The following ANKMY1 variants were observed in gnomAD, a reference collection of about 807,000 sequenced individuals.
The protein encoded by ANKMY1 is ankyrin repeat and MYND domain-containing protein 1.
Under a neutral mutation model 102.0 loss-of-function variants are expected in ANKMY1, and 98 were observed. The observed-to-expected ratio is 0.96, with a 90% CI of 0.82 to 1.14. ANKMY1 has a LOEUF of 1.14. Ranked by LOEUF, ANKMY1 falls within the 50% of genes most tolerant of loss-of-function variation. The probability of loss-of-function intolerance (pLI) is 0.00; values close to 1 mark genes in which losing one functional copy is unlikely to be tolerated. For synonymous variants in ANKMY1, 582 were observed against 559.9 expected, an observed-to-expected ratio of 1.04 and a Z score of -0.56; for missense variants, 1,330 against 1,347.6, an observed-to-expected ratio of 0.99 and a Z score of 0.20.
chr2:240,484,482 G>A (rs1249012848), intron 15 of ANKMY1, among the ~76,000 whole-genome samples: 2 of 152,158 alleles, frequency 1.3e-5, no homozygotes. Flanking sequence ...AATGGTGTTG[G>A]GAAAACTGGC....
At chr2:240,524,563 C>T (rs1018955008) in intron 7 of ANKMY1, among the ~76,000 whole-genome samples, 182 bp from the exon 8 acceptor site, 7 of 152,198 alleles carry the variant, frequency 4.6e-5, no homozygotes, top group Admixed American at 2.6e-4. Flanking sequence ...GTGAAGGCAT[C>T]GGACAGAAGC....
intron 12 of ANKMY1, among the ~76,000 whole-genome samples, 171 bp downstream of exon 12, chr2:240,509,177 G>C (rs1266092773): frequency 4.0e-5 from 6 of 150,720 alleles, no homozygotes; most frequent in Non-Finnish European, 8.9e-5. Context: ...GAGTGAATGG[G>C]TAGTTGGGTG....
At chr2:240,491,871 A>G (rs1200871320) in intron 15 of ANKMY1, among the ~76,000 whole-genome samples, 1 of 152,148 alleles carries the variant, frequency 6.6e-6, no homozygotes, top group East Asian at 1.9e-4. Flanking sequence ...TCTGAGTATA[A>G]TGTGCCATGC....
At chr2:240,478,039 T>A (rs1480179137), downstream of ANKMY1, among the ~76,000 whole-genome samples, 1 of 152,198 alleles carries the variant, frequency 6.6e-6, no homozygotes. Flanking sequence ...CTTCCCCATC[T>A]GGTGCAGTTC....
intron 11 of ANKMY1, among the ~76,000 whole-genome samples, chr2:240,511,634 A>G (rs538413831): frequency 2.0e-5 from 3 of 152,354 alleles, no homozygotes; most frequent in African/African-American, 7.2e-5. Context: ...GGTAAGAAGT[A>G]GACTTCATGC....
chr2:240,560,328 G>C (rs776474180), upstream of ANKMY1: 4 of 187,110 alleles, frequency 2.1e-5, no homozygotes. Context: ...CGCCGCAGTA[G>C]AGCGGGCAGG....
At chr2:240,491,609 T>C (rs991185299) in intron 15 of ANKMY1, among the ~76,000 whole-genome samples, 2 of 152,234 alleles carry the variant, frequency 1.3e-5, no homozygotes, top group African/African-American at 4.8e-5. Flanking sequence ...CTAGTAGTAA[T>C]GAATTACCTC....
downstream of ANKMY1, among the ~76,000 whole-genome samples, chr2:240,477,298 A>G (rs2074920246): frequency 6.6e-6 from 1 of 152,242 alleles, no homozygotes; most frequent in African/African-American, 2.4e-5. Flanking sequence ...CCTGGGTAAC[A>G]AGAGAGAAAC....
intron 4 of ANKMY1, among the ~76,000 whole-genome samples, chr2:240,545,871 A>G (rs149748393): frequency 3.3e-5 from 5 of 152,360 alleles, no homozygotes; most frequent in Non-Finnish European, 5.9e-5. Context: ...GAAAAGACCA[A>G]ATCTACGTCT....
At chr2:240,560,193 G>A (rs908265761), upstream of ANKMY1, 1 of 154,168 alleles carries the variant, frequency 6.5e-6, no homozygotes, top group Non-Finnish European at 1.4e-5. Flanking sequence ...AGTCACTAGG[G>A]AAAGGGTGAA....
chr2:240,548,374 A>T (rs1020740928), intron 4 of ANKMY1, among the ~76,000 whole-genome samples: 27 of 152,338 alleles, frequency 1.8e-4, no homozygotes, highest in South Asian at 8.3e-4. Context: ...CAAAATAATA[A>T]GAGCTATCTA....
chr2:240,472,533 C>T, the ANKMY1 span, among the ~76,000 whole-genome samples: 1 of 152,234 alleles, frequency 6.6e-6, no homozygotes, highest in South Asian at 2.1e-4. Flanking sequence ...CACGCAGTGA[C>T]TGAGTGCACC....
intron 9 of ANKMY1, among the ~76,000 whole-genome samples, chr2:240,518,988 A>T (rs1265409344): frequency 6.6e-6 from 1 of 152,254 alleles, no homozygotes; most frequent in African/African-American, 2.4e-5. Context: ...GCCCAGAGAG[A>T]GCCATCAGCT....
intron 15 of ANKMY1, among the ~76,000 whole-genome samples, chr2:240,496,222 T>C (rs1169739879): frequency 6.6e-6 from 1 of 152,236 alleles, no homozygotes; most frequent in Non-Finnish European, 1.5e-5. Context: ...TGTTTTATCC[T>C]ACTTGAAACT....
chr2:240,514,882 AC>A (rs2080901005), intron 9 of ANKMY1, among the ~76,000 whole-genome samples: 1 of 152,042 alleles, frequency 6.6e-6, no homozygotes, highest in Non-Finnish European at 1.5e-5. Context: ...TGCCCCAGCC[AC>A]CTCCCTGGGT....
chr2:240,471,573 AT>A, the ANKMY1 span, among the ~76,000 whole-genome samples: 17 of 152,324 alleles, frequency 1.1e-4, no homozygotes, highest in Non-Finnish European at 2.4e-4. Flanking sequence ...GAACAATTCC[AT>A]TTTTAAAAAG....
chr2:240,472,236 C>T, the ANKMY1 span, among the ~76,000 whole-genome samples: 4 of 124,730 alleles, frequency 3.2e-5, no homozygotes, highest in Admixed American at 7.6e-5. Context: ...CACGGCCGCA[C>T]GCGGGGAGGC....
intron 15 of ANKMY1, among the ~76,000 whole-genome samples, chr2:240,493,305 T>C (rs943782353): frequency 6.6e-6 from 1 of 152,138 alleles, no homozygotes; most frequent in Non-Finnish European, 1.5e-5. Context: ...CCAGCCTGGG[T>C]GACAGAGTGA....
At chr2:240,510,919 G>T (rs991114103) in intron 11 of ANKMY1, among the ~76,000 whole-genome samples, 1 of 151,998 alleles carries the variant, frequency 6.6e-6, no homozygotes, top group Non-Finnish European at 1.5e-5. Context: ...CGTCCTTCAC[G>T]GTGGGAGCCT....
Sources: allele counts gnomAD v4.1 joint callset (sites outside exome capture counted in the v4.1 genomes callset), GRCh38; gene constraint gnomAD v4.1.1; transcripts MANE v1.5; gene names NCBI Gene and HGNC (gene_info 2026-07-23, HGNC 2026-07-21).